The following CAMTA1 variants were observed in gnomAD, a reference collection of about 807,000 sequenced individuals.
CAMTA1 encodes calmodulin binding transcription activator 1, also known as calmodulin-binding transcription activator 1.
In CAMTA1, 27 loss-of-function variants were observed where a neutral mutation model predicts 170.9. That is an observed-to-expected ratio of 0.16 (90% confidence interval 0.12 to 0.22). The LOEUF (loss-of-function observed/expected upper bound fraction) is 0.22. Ranked by LOEUF, CAMTA1 falls within the 10% of genes least tolerant of loss-of-function variation. The pLI is 1.00. For synonymous variants in CAMTA1, 833 were observed against 891.5 expected (o/e 0.93, Z 1.17); for missense variants, 1,619 against 2,217.2 (o/e 0.73, Z 5.42).
intron 22 of CAMTA1, among the ~76,000 whole-genome samples, chr1:7,765,748 C>T (rs1293155225): frequency 2.0e-5 from 3 of 152,124 alleles, no homozygotes; most frequent in Admixed American, 1.3e-4. Flanking sequence ...GCTAAATAGG[C>T]CGGGCGCGGT....
At chr1:7,309,231 T>A (rs1676055477) in intron 5 of CAMTA1, among the ~76,000 whole-genome samples, 1 of 151,766 alleles carries the variant, frequency 6.6e-6, no homozygotes, top group African/African-American at 2.4e-5. Flanking sequence ...CGTTGGGTCA[T>A]GGTTCTTTGC....
intron 5 of CAMTA1, among the ~76,000 whole-genome samples, chr1:7,255,725 A>G (rs901544447): frequency 6.6e-6 from 1 of 152,178 alleles, no homozygotes; most frequent in Non-Finnish European, 1.5e-5. Context: ...GTCTCCACAG[A>G]GTGTCTACAG....
At chr1:7,123,796 G>T (rs1036350270) in intron 4 of CAMTA1, among the ~76,000 whole-genome samples, 1 of 152,148 alleles carries the variant, frequency 6.6e-6, no homozygotes, top group East Asian at 1.9e-4. Flanking sequence ...TCCACAGCCT[G>T]ACCCATTCAC....
chr1:7,373,904 A>G (rs1219168964), intron 5 of CAMTA1, among the ~76,000 whole-genome samples: 1 of 152,174 alleles, frequency 6.6e-6, no homozygotes, highest in Non-Finnish European at 1.5e-5. Flanking sequence ...CTCCCTCACT[A>G]TTGGACATCC....
intron 11 of CAMTA1, among the ~76,000 whole-genome samples, chr1:7,707,881 C>G (rs2096538748): frequency 6.6e-6 from 1 of 152,186 alleles, no homozygotes; most frequent in African/African-American, 2.4e-5. Flanking sequence ...AAATGACCAT[C>G]TTTTCTTTGC....
chr1:6,972,269 A>G (rs1461380318), intron 3 of CAMTA1, among the ~76,000 whole-genome samples: 2 of 152,196 alleles, frequency 1.3e-5, no homozygotes, highest in Non-Finnish European at 2.9e-5. Flanking sequence ...AGTAACAAGT[A>G]ACTGAAAGTC....
intron 6 of CAMTA1, among the ~76,000 whole-genome samples, chr1:7,496,953 C>G (rs572945782): frequency 6.6e-6 from 1 of 152,142 alleles, no homozygotes; most frequent in Middle Eastern, 3.4e-3. Flanking sequence ...CTTCCTAGGC[C>G]ATGCAAAAGT....
chr1:7,310,702 CTT>C (rs1491191024), intron 5 of CAMTA1, among the ~76,000 whole-genome samples: 8,470 of 47,686 alleles, frequency 0.18, 930 homozygotes, highest in African/African-American at 0.25. Flanking sequence ...CTCTCTCTCT[CTT>C]TCTTTCTTTC....
intron 6 of CAMTA1, among the ~76,000 whole-genome samples, chr1:7,566,721 A>T (rs2095047463): frequency 6.6e-6 from 1 of 152,176 alleles, no homozygotes; most frequent in South Asian, 2.1e-4. Flanking sequence ...AGGCTCTCTC[A>T]GCCTCATCCC....
chr1:6,949,524 C>T (rs1438238839), intron 3 of CAMTA1, among the ~76,000 whole-genome samples: 5 of 152,210 alleles, frequency 3.3e-5, no homozygotes, highest in Middle Eastern at 3.2e-3. Flanking sequence ...TCCGGCTGAG[C>T]GCTGACGAAG....
At chr1:6,912,458 C>T (rs111397211) in intron 3 of CAMTA1, among the ~76,000 whole-genome samples, 2 of 152,230 alleles carry the variant, frequency 1.3e-5, no homozygotes, top group Non-Finnish European at 2.9e-5. Context: ...CTCCTGGGGA[C>T]CACTCTATCC....
At chr1:7,386,376 T>C (rs2087990219) in intron 5 of CAMTA1, among the ~76,000 whole-genome samples, 1 of 152,110 alleles carries the variant, frequency 6.6e-6, no homozygotes, top group African/African-American at 2.4e-5. Flanking sequence ...CCGGAAGACT[T>C]GGGCCCTCTG....
chr1:7,034,504 C>T (rs1216418088), intron 3 of CAMTA1, among the ~76,000 whole-genome samples: 2 of 152,210 alleles, frequency 1.3e-5, no homozygotes, highest in African/African-American at 4.8e-5. Context: ...GAGATAGTTT[C>T]CTCATACACG....
At chr1:6,882,083 T>C (rs1671793682) in intron 3 of CAMTA1, among the ~76,000 whole-genome samples, 1 of 152,236 alleles carries the variant, frequency 6.6e-6, no homozygotes, top group Admixed American at 6.5e-5. Flanking sequence ...TGCCTGTTTC[T>C]ATATAGCTAG....
chr1:7,381,276 G>T (rs1230456616), intron 5 of CAMTA1, among the ~76,000 whole-genome samples: 1 of 150,696 alleles, frequency 6.6e-6, no homozygotes, highest in Non-Finnish European at 1.5e-5. Context: ...CTAGCATTAG[G>T]TATATCTCCC....
At chr1:6,804,757 A>G (rs1644321943) in intron 1 of CAMTA1, among the ~76,000 whole-genome samples, 1 of 151,992 alleles carries the variant, frequency 6.6e-6, no homozygotes, top group African/African-American at 2.4e-5. Flanking sequence ...GGGTCTCGCC[A>G]TGTTGCCAGG....
Position 7,301,728 on chromosome 1 carries a change from T to C in CAMTA1, c.438+52102T>C, listed in dbSNP as rs912792776. On this transcript the variant is annotated intron_variant, in intron 5 of 22. Transcript: ENST00000303635. ...CTGGGGGCGCCCAGGTCCGGGGTGC[T>C]CCTGGGATGCCTGCTGCAGAGATGC... Among the ~76,000 whole-genome samples, 18 of 152,208 alleles carry C rather than the reference T, an allele frequency of 1.2e-4. 1 individual carries two copies. The highest frequency in any genetic ancestry group is 1.5e-5 in the Non-Finnish European group (1 of 68,032).
At position 7,641,441 on chromosome 1, in the gene CAMTA1, G is replaced by T. The variant is rs953208307; in HGVS notation, c.664+888G>T. 6.6e-6 allele frequency among the ~76,000 whole-genome samples: 1 copy of T among 152,178 alleles called. No individual in the cohort carries two copies. The highest frequency in any genetic ancestry group is 1.9e-4 in the East Asian group (1 of 5,176). ...GGCTGGAGGGAGGAAGCAGCTGTTG[G>T]TCACCATATACAGCGGGGGGACTGA... On this transcript the variant is annotated intron_variant, in intron 7 of 22. Transcript: ENST00000303635. This position sits in a 1 kb window ranked among gnomAD's most constrained non-coding sequence, Gnocchi z 4.5.
Position 7,007,293 on chromosome 1 carries a change from C to T in CAMTA1, c.235-84011C>T, listed in dbSNP as rs570428116. ...AAGCACACATATAATCATCACTTAA[C>T]TAAAGCTGAGGCCAGATAGAGGAGA... is the stretch of plus-strand genomic sequence containing the variant. On this transcript the variant is annotated intron_variant, in intron 3 of 22. Coordinates refer to ENST00000303635, the MANE Select transcript of CAMTA1 (RefSeq NM_015215.4). The surrounding 1 kb of genome is among the most constrained non-coding windows in gnomAD (Gnocchi z 4.5). Among the ~76,000 whole-genome samples the T allele has an allele frequency of 5.3e-5, 8 of 152,286 alleles. No individual in the cohort carries two copies. The highest frequency in any genetic ancestry group is 2.6e-4 in the Admixed American group (4 of 15,306).
Sources: gnomAD v4.1 joint callset for allele counts (sites outside exome capture counted in the v4.1 genomes callset) on GRCh38, gnomAD v4.1.1 for gene constraint, Gnocchi (gnomAD v3.1) non-coding constraint, MANE v1.5 for transcripts, NCBI Gene and HGNC (gene_info 2026-07-23, HGNC 2026-07-21) for gene names.